SCRN3: variants seen among roughly 807,000 people sequenced by gnomAD.
SCRN3 encodes the protein secernin-3.
In SCRN3, 39 loss-of-function variants were observed where a neutral mutation model predicts 43.1. That is an observed-to-expected ratio of 0.91 (90% CI 0.70 to 1.18). The LOEUF (loss-of-function observed/expected upper bound fraction) is 1.18. SCRN3 is among the 50% of genes most tolerant of loss of function. SCRN3 has a pLI of 0.00. For synonymous variants in SCRN3, 147 were observed against 163.1 expected (o/e 0.90, Z 0.75); for missense variants, 484 against 498.0 (o/e 0.97, Z 0.27).
chr2:174,423,676 A>G (rs1411950851), intron 6 of SCRN3, among the ~76,000 whole-genome samples: 9 of 151,276 alleles, frequency 5.9e-5, no homozygotes, highest in African/African-American at 1.9e-4. Flanking sequence ...TCACTGTGTT[A>G]GCCAGGATGG....
chr2:174,410,572 G>C (rs1034482917), intron 5 of SCRN3: 6 of 152,188 alleles, frequency 3.9e-5, no homozygotes, highest in Non-Finnish European at 8.8e-5. Flanking sequence ...TCAATGCTCA[G>C]ATGCATTTTT....
Position 174,398,276 on chromosome 2 carries a change from TA to T in SCRN3, c.1del, listed in dbSNP as rs571071691. The T allele has an allele frequency of 1.1e-4, 165 of 1,539,938 alleles. No individual in the cohort carries two copies. The highest frequency in any genetic ancestry group is 3.8e-4 in the African/African-American group (27 of 71,086). ...TTAAAACATCTGTATAATTTTTAGTTAAAAAAAATGGAACCTTTTTCCTGTG... is the reference window on the plus strand; with the variant it reads ...TTAAAACATCTGTATAATTTTTAGTTAAAAAAATGGAACCTTTTTCCTGTG... On this transcript the variant is annotated splice_region_variant and 5_prime_UTR_variant, in exon 2 of 8. Coordinates refer to ENST00000272732, the MANE Select transcript of SCRN3 (RefSeq NM_024583.5).
chr2:174,400,451 T>A (rs1346893587), intron 3 of SCRN3, among the ~76,000 whole-genome samples: 4 of 152,088 alleles, frequency 2.6e-5, no homozygotes, highest in African/African-American at 9.7e-5. Context: ...CACACCTGGC[T>A]AATTTTTAAT....
At chr2:174,418,868 CAG>C (rs1461966210) in intron 5 of SCRN3, among the ~76,000 whole-genome samples, 2 of 152,116 alleles carry the variant, frequency 1.3e-5, no homozygotes, top group Non-Finnish European at 2.9e-5. Flanking sequence ...TCAAAACTAA[CAG>C]AAATATATTA....
intron 5 of SCRN3, among the ~76,000 whole-genome samples, chr2:174,409,797 G>T (rs1685836235): frequency 7.0e-6 from 1 of 143,296 alleles, no homozygotes; most frequent in South Asian, 2.2e-4. Flanking sequence ...GGACCCACTT[G>T]AGCAGGCAGT....
intron 7 of SCRN3, among the ~76,000 whole-genome samples, chr2:174,425,840 G>T (rs1250774568): frequency 6.6e-6 from 1 of 152,092 alleles, no homozygotes; most frequent in Non-Finnish European, 1.5e-5. Context: ...CTACTTTTGT[G>T]TGTTAGGGAG....
At chr2:174,409,490 T>C (rs367694619) in intron 5 of SCRN3, among the ~76,000 whole-genome samples, 4 of 147,610 alleles carry the variant, frequency 2.7e-5, no homozygotes, top group African/African-American at 4.9e-5. Flanking sequence ...AGCTTTGTTC[T>C]GTTGCTGGTG....
rs780271287 is a variant in SCRN3, at chr2:174,427,891, C to T, written c.1271C>T (p.Ser424Phe). 1.3e-6 allele frequency: 2 copies of T among 1,558,786 alleles called. No individual in the cohort carries two copies. Among genetic ancestry groups the T allele is most frequent in the East Asian group, 2.3e-5 (1 of 44,442 alleles). ...TCAAATTTATCAGTCAAAGTTAGTT[C>T]TTAGTGATCATATGGTCAGCTAATA... ...YQSNLSVKVS[S>F] The change falls in exon 8 of 8, where the codon TCT becomes TTT. Residue 424 changes from serine to phenylalanine, a missense_variant. Transcript: ENST00000272732.
At chr2:174,400,164 T>C (rs1685458125) in intron 3 of SCRN3, 61 bp downstream of exon 3, 2 of 1,236,506 alleles carry the variant, frequency 1.6e-6, no homozygotes, top group African/African-American at 3.2e-5. Flanking sequence ...TTTGTGTAAC[T>C]CTTACTTGTT....
At chr2:174,400,255 G>A in intron 3 of SCRN3, 152 bp downstream of exon 3, 2 of 547,640 alleles carry the variant, frequency 3.7e-6, no homozygotes, top group South Asian at 3.1e-5. Flanking sequence ...GCAATTTCAT[G>A]ACTCTCAGTT....
intron 6 of SCRN3, among the ~76,000 whole-genome samples, chr2:174,424,037 C>A (rs1034351126): frequency 6.6e-6 from 1 of 152,016 alleles, no homozygotes; most frequent in Non-Finnish European, 1.5e-5. Context: ...GAGATTCTCC[C>A]ACCTTGACCT....
chr2:174,401,213 A>G (rs1188352045), intron 4 of SCRN3, 24 bp downstream of exon 4: 1 of 1,594,810 alleles, frequency 6.3e-7, no homozygotes, highest in South Asian at 1.1e-5. Flanking sequence ...TTTGTGATTT[A>G]ACTTGTTTTT....
intron 5 of SCRN3, among the ~76,000 whole-genome samples, chr2:174,414,012 A>G (rs1306563580): frequency 6.6e-6 from 1 of 152,166 alleles, no homozygotes; most frequent in African/African-American, 2.4e-5. Flanking sequence ...CCTCAAGCTA[A>G]AGCCATAACA....
At chr2:174,422,754 T>A in intron 5 of SCRN3, 131 bp from the exon 6 acceptor site, 1 of 529,214 alleles carries the variant, frequency 1.9e-6, no homozygotes, top group South Asian at 3.6e-5. Flanking sequence ...ATACAAAGTT[T>A]GTTTATAGTC....
At chr2:174,411,202 A>G (rs998949119) in intron 5 of SCRN3, among the ~76,000 whole-genome samples, 4 of 152,172 alleles carry the variant, frequency 2.6e-5, no homozygotes, top group Admixed American at 2.6e-4. Context: ...CTGGTGAGGA[A>G]CAAACACTGG....
intron 6 of SCRN3, among the ~76,000 whole-genome samples, chr2:174,423,797 T>G (rs1324067913): frequency 6.8e-6 from 1 of 146,424 alleles, no homozygotes; most frequent in East Asian, 2.0e-4. Flanking sequence ...TTTTTTTTTT[T>G]TTTTTTGACA....
At position 174,427,878 on chromosome 2, in the gene SCRN3, GTCAA is replaced by G. The variant is rs1686546227; in HGVS notation, c.1259_1262del (p.Val420GlufsTer11). On this transcript the variant is annotated frameshift_variant, in exon 8 of 8. Coordinates refer to ENST00000272732, the MANE Select transcript of SCRN3 (RefSeq NM_024583.5). LOFTEE classifies it high-confidence loss of function. ...TCAAATTTATCAGTCAAATTTATCAGTCAAAGTTAGTTCTTAGTGATCATATGGT... is the reference window on the plus strand; with the variant it reads ...TCAAATTTATCAGTCAAATTTATCAGAGTTAGTTCTTAGTGATCATATGGT... The G allele has an allele frequency of 7.9e-7, 1 of 1,260,358 alleles. No homozygotes were observed. 78.1% of individuals were successfully genotyped at this position (1,260,358 alleles called of 1,614,324 possible). A position where few individuals can be genotyped will look rare whatever the true frequency, so the allele number is the denominator to read the frequency against.
chr2:174,414,648 ACTTTAG>A (rs1686039255), intron 5 of SCRN3, among the ~76,000 whole-genome samples: 1 of 152,124 alleles, frequency 6.6e-6, no homozygotes, highest in Non-Finnish European at 1.5e-5. Flanking sequence ...TATGAATCAT[ACTTTAG>A]CTATCAAATC....
chr2:174,416,784 C>T (rs941049644), intron 5 of SCRN3, among the ~76,000 whole-genome samples: 18 of 152,154 alleles, frequency 1.2e-4, no homozygotes, highest in African/African-American at 3.9e-4. Flanking sequence ...GATCTTTTTA[C>T]GTGAAGTTAT....
Sources: allele counts gnomAD v4.1 joint callset (sites outside exome capture counted in the v4.1 genomes callset), GRCh38; gene constraint gnomAD v4.1.1; transcripts MANE v1.5; gene names NCBI Gene and HGNC (gene_info 2026-07-23, HGNC 2026-07-21).